Variants in ITGA4 observed in about 807,000 individuals in gnomAD.
ITGA4 encodes the protein integrin alpha-4.
A neutral mutation model predicts 133.6 loss-of-function variants in ITGA4; 63 were observed. The ratio of observed to expected loss-of-function variants is 0.47; its 90% CI spans 0.38 to 0.58. ITGA4 has a LOEUF of 0.58. Ranked by LOEUF, ITGA4 falls within the 20% of genes least tolerant of loss-of-function variation. ITGA4 has a pLI of 0.00. For missense variants in ITGA4, 1,076 were observed against 1,252.7 expected (o/e 0.86, Z 2.13); for synonymous variants, 483 against 438.0 (o/e 1.10, Z -1.28).
At chr2:181,512,890 T>C (rs1027240257) in intron 17 of ITGA4, among the ~76,000 whole-genome samples, 32 of 152,104 alleles carry the variant, frequency 2.1e-4, no homozygotes, top group Non-Finnish European at 4.7e-4. Context: ...AATGTTGTTA[T>C]TTGTTCAATT....
intron 20 of ITGA4, among the ~76,000 whole-genome samples, chr2:181,524,973 TTCCTC>T (rs1188086538): frequency 2.1e-5 from 3 of 146,132 alleles, no homozygotes; most frequent in African/African-American, 7.4e-5. Flanking sequence ...AAAAAAAAAA[TTCCTC>T]TATCTAGCAT....
At chr2:181,481,531 A>G in intron 6 of ITGA4, 67 bp from the exon 7 acceptor site, 1 of 711,816 alleles carries the variant, frequency 1.4e-6, no homozygotes, top group Non-Finnish European at 2.4e-6. Flanking sequence ...TTTATGATCT[A>G]TTTTACCCAT....
chr2:181,458,969 G>C (rs911822505), intron 2 of ITGA4: 7 of 152,370 alleles, frequency 4.6e-5, no homozygotes, highest in South Asian at 2.1e-4. Context: ...AATGTGTACT[G>C]ATAGAGGGGA....
intron 4 of ITGA4, chr2:181,476,207 T>C (rs1210607811): frequency 1.2e-5 from 2 of 164,812 alleles, no homozygotes; most frequent in Non-Finnish European, 1.3e-5. Context: ...TAAAACTCAG[T>C]CTTGATTTCT....
At chr2:181,509,526 G>A (rs191478255) in intron 15 of ITGA4, 132 bp from the exon 16 acceptor site, 10 of 495,464 alleles carry the variant, frequency 2.0e-5, no homozygotes, top group East Asian at 3.5e-5. Context: ...TTTTTTTAAC[G>A]GTTTAGATAA....
rs763702216 is a variant in ITGA4 at position 181,523,275 on chromosome 2, TATC to T, written c.2074-159_2074-157del. On this transcript the variant is annotated intron_variant, in intron 18 of 27. Transcript: ENST00000397033. This position sits in a 1 kb window ranked among gnomAD's most constrained non-coding sequence, Gnocchi z 4.2. The stretch of plus-strand genomic sequence containing the variant: ...ATATACACACATGCACACATATTTA[TATC>T]ATATGTCTATTTATCTCAAACATAT... 2 of 546,616 alleles carry T rather than the reference TATC, an allele frequency of 3.7e-6. No individual in the cohort carries two copies. The highest frequency in any genetic ancestry group is 4.1e-5 in the South Asian group (2 of 48,392). The allele number at this position is 546,616 out of a possible 1,614,324, so 33.9% of individuals were successfully genotyped here. A position where few individuals can be genotyped will look rare whatever the true frequency, so the allele number is the denominator to read the frequency against.
chr2:181,468,408 A>G (rs1300171585), intron 2 of ITGA4, among the ~76,000 whole-genome samples: 1 of 152,128 alleles, frequency 6.6e-6, no homozygotes, highest in African/African-American at 2.4e-5. Flanking sequence ...TTTTGTGGTG[A>G]TATAATGTAT....
At chr2:181,457,317 G>C (rs1685140249), upstream of ITGA4, 1 of 258,548 alleles carries the variant, frequency 3.9e-6, no homozygotes, top group Admixed American at 6.0e-5. Context: ...CCGCGCGTAG[G>C]CAGAGACGGA....
chr2:181,481,985 G>A (rs1193782736), intron 7 of ITGA4, among the ~76,000 whole-genome samples: 48 of 152,112 alleles, frequency 3.2e-4, no homozygotes, highest in Non-Finnish European at 2.9e-5. Flanking sequence ...AGAAGTTGAG[G>A]TAGCTACATA....
Position 181,457,588 on chromosome 2 carries a change from A to C in ITGA4, c.-67A>C. 6.9e-7 allele frequency: 1 copy of C among 1,457,436 alleles called. No individual in the cohort carries two copies. The highest frequency in any genetic ancestry group is 9.3e-7 in the Non-Finnish European group (1 of 1,071,384). 90.3% of individuals were successfully genotyped at this position (1,457,436 alleles called of 1,614,324 possible). On this transcript the variant is annotated 5_prime_UTR_variant, in exon 1 of 28. Coordinates refer to ENST00000397033, the MANE Select transcript of ITGA4 (RefSeq NM_000885.6). The stretch of plus-strand genomic sequence containing the variant: ...TTGGGGCGTTCTTCCCCGTTGGCCA[A>C]CCGTCGCATCCCGTGCAACTTTGGG...
chr2:181,475,802 G>T, intron 4 of ITGA4: 1 of 1,591,638 alleles, frequency 6.3e-7, no homozygotes. Flanking sequence ...TTTTTCTCAT[G>T]GTAACTCTAT....
At position 181,534,938 on chromosome 2, in the gene ITGA4, AAG is replaced by A; in HGVS notation, c.3003+4_3003+5del. Reference sequence around the variant, plus strand: ...TGATCTCATATGTTATGTGGAAGGTAAGCATTTAACAATTACCAACATTAGTC... The same window carrying A: ...TGATCTCATATGTTATGTGGAAGGTACATTTAACAATTACCAACATTAGTC... On this transcript the variant is annotated splice_donor_5th_base_variant and intron_variant, in intron 27 of 27. Transcript: ENST00000397033. 1 of 1,562,436 alleles carries A rather than the reference AAG, an allele frequency of 6.4e-7. No homozygotes were observed. Among genetic ancestry groups the A allele is most frequent in the East Asian group, 2.3e-5 (1 of 43,818 alleles).
intron 2 of ITGA4, among the ~76,000 whole-genome samples, chr2:181,460,566 A>AGTGTGTGT (rs61016862): frequency 6.1e-4 from 91 of 148,066 alleles, no homozygotes; most frequent in African/African-American, 2.1e-3. Context: ...TCTGTAGAAG[A>AGTGTGTGT]GTGTGTGTGT....
chr2:181,475,140 C>G lies in ITGA4; in HGVS notation c.427-19C>G. On this transcript the variant is annotated intron_variant, in intron 3 of 27. Transcript: ENST00000397033. ...GGGTGCAGCTTTCACATCATTTGGT[C>G]TACTTTTATTTTATTCAGACTTGTG... 6.2e-7 allele frequency: 1 copy of G among 1,613,304 alleles called. No homozygotes were observed. Among genetic ancestry groups the G allele is most frequent in the Non-Finnish European group, 8.5e-7 (1 of 1,179,668 alleles).
intron 15 of ITGA4, among the ~76,000 whole-genome samples, chr2:181,499,369 A>G (rs2105748110): frequency 6.6e-6 from 1 of 152,200 alleles, no homozygotes. Flanking sequence ...TGTTTCTTTT[A>G]TTAAAACACT....
intron 15 of ITGA4, among the ~76,000 whole-genome samples, chr2:181,508,195 A>AT (rs1686432721): frequency 6.6e-6 from 1 of 152,044 alleles, no homozygotes; most frequent in Non-Finnish European, 1.5e-5. Flanking sequence ...AAGACAATGA[A>AT]TTTTAAAAAT....
At chr2:181,533,051 C>CAT (rs149414898) in intron 25 of ITGA4, among the ~76,000 whole-genome samples, 1 of 151,942 alleles carries the variant, frequency 6.6e-6, no homozygotes, top group South Asian at 2.1e-4. Context: ...ACAACAAAAA[C>CAT]ATATTTAAAT....
At chr2:181,530,820 A>AGG (rs1325571096) in intron 24 of ITGA4, among the ~76,000 whole-genome samples, 171 bp downstream of exon 24, 1 of 152,186 alleles carries the variant, frequency 6.6e-6, no homozygotes, top group Non-Finnish European at 1.5e-5. Flanking sequence ...AGATAGACCC[A>AGG]GGGTCTATCC....
intron 14 of ITGA4, among the ~76,000 whole-genome samples, chr2:181,497,348 A>T (rs1318993905): frequency 2.0e-5 from 3 of 152,212 alleles, no homozygotes; most frequent in Admixed American, 6.5e-5. Flanking sequence ...CTCCCAGGAG[A>T]AATAATTCAC....
Sources: allele counts gnomAD v4.1 joint callset (sites outside exome capture counted in the v4.1 genomes callset), GRCh38; gene constraint gnomAD v4.1.1; non-coding constraint Gnocchi (gnomAD v3.1); transcripts MANE v1.5; gene names NCBI Gene and HGNC (gene_info 2026-07-23, HGNC 2026-07-21).